The following LRP1B variants were observed in gnomAD, a reference collection of about 807,000 sequenced individuals.
The protein encoded by LRP1B is LDL receptor related protein 1B.
A neutral mutation model predicts 556.6 loss-of-function variants in LRP1B; 217 were observed. The observed-to-expected ratio is 0.39, with a 90% CI of 0.35 to 0.44. The LOEUF is 0.44. LRP1B is among the 20% of genes least tolerant of loss of function. LRP1B has a pLI of 1.00. For missense variants in LRP1B, 5,053 were observed against 5,620.8 expected (o/e 0.90, Z 3.23); for synonymous variants, 2,047 against 1,865.8 (o/e 1.10, Z -2.50).
intron 35 of LRP1B, among the ~76,000 whole-genome samples, chr2:140,730,550 A>AT (rs1253506296): frequency 2.6e-5 from 4 of 151,858 alleles, no homozygotes; most frequent in Non-Finnish European, 5.9e-5. Context: ...CCCATATTCA[A>AT]TTTTTTTGTT....
chr2:141,203,248 T>C (rs1682119005), intron 6 of LRP1B, among the ~76,000 whole-genome samples: 1 of 151,494 alleles, frequency 6.6e-6, no homozygotes, highest in Non-Finnish European at 1.5e-5. Flanking sequence ...GAGTGGCAAA[T>C]TGGAAAAAGA....
At chr2:141,742,028 G>A (rs1055224165) in intron 2 of LRP1B, among the ~76,000 whole-genome samples, 1 of 152,102 alleles carries the variant, frequency 6.6e-6, no homozygotes, top group Non-Finnish European at 1.5e-5. Context: ...AGTTTTCCCT[G>A]CAACATTGAT....
intron 3 of LRP1B, among the ~76,000 whole-genome samples, chr2:141,469,790 T>C (rs3935992): frequency 0.98 from 148,599 of 152,272 alleles, 72,604 homozygotes; most frequent in East Asian, 1. Flanking sequence ...TGGAATGTCC[T>C]TTCTTATTCA....
At chr2:141,373,571 T>C (rs554700172) in intron 3 of LRP1B, among the ~76,000 whole-genome samples, 1 of 150,698 alleles carries the variant, frequency 6.6e-6, no homozygotes, top group East Asian at 1.9e-4. Context: ...TTTAATAAAT[T>C]GATCCCTTTA....
At chr2:141,736,247 G>A (rs1019620584) in intron 2 of LRP1B, among the ~76,000 whole-genome samples, 4 of 152,176 alleles carry the variant, frequency 2.6e-5, no homozygotes, top group Non-Finnish European at 5.9e-5. Flanking sequence ...TGTGGCCACA[G>A]AAGTGAATGA....
chr2:141,596,958 T>C (rs1329303222), intron 2 of LRP1B, among the ~76,000 whole-genome samples: 1 of 152,004 alleles, frequency 6.6e-6, no homozygotes, highest in Non-Finnish European at 1.5e-5. Context: ...ACTACCTATG[T>C]ATATATTCAA....
chr2:140,595,427 G>A (rs888322615), intron 43 of LRP1B, among the ~76,000 whole-genome samples: 5 of 151,764 alleles, frequency 3.3e-5, no homozygotes, highest in Non-Finnish European at 7.4e-5. Flanking sequence ...ATGAATTTTT[G>A]GCTTTTCAGA....
chr2:140,680,050 A>G (rs1685807947), intron 41 of LRP1B, among the ~76,000 whole-genome samples: 1 of 152,050 alleles, frequency 6.6e-6, no homozygotes, highest in Non-Finnish European at 1.5e-5. Flanking sequence ...GGCCCAGGGA[A>G]CCCAAAAGAT....
intron 2 of LRP1B, among the ~76,000 whole-genome samples, chr2:141,793,690 G>A (rs927296241): frequency 5.3e-5 from 8 of 151,436 alleles, no homozygotes; most frequent in Non-Finnish European, 7.4e-5. Context: ...TTAAAATATC[G>A]CTATTGATAT....
chr2:140,561,265 C>T (rs796081285), intron 43 of LRP1B, among the ~76,000 whole-genome samples: 47 of 152,238 alleles, frequency 3.1e-4, no homozygotes, highest in African/African-American at 1.1e-3. Flanking sequence ...TCATAAGTCC[C>T]TCATTTCATA....
At chr2:141,183,747 C>A (rs1456890957) in intron 7 of LRP1B, among the ~76,000 whole-genome samples, 1 of 152,006 alleles carries the variant, frequency 6.6e-6, no homozygotes, top group East Asian at 1.9e-4. Context: ...TCTTCCCCCT[C>A]CCTCAATTTA....
At chr2:140,626,669 A>G (rs961808294) in intron 41 of LRP1B, among the ~76,000 whole-genome samples, 1 of 150,174 alleles carries the variant, frequency 6.7e-6, no homozygotes. Context: ...AGATTAGCAA[A>G]TTTGAGTACA....
chr2:141,521,800 A>T (rs1344115686), intron 2 of LRP1B, among the ~76,000 whole-genome samples: 1 of 152,088 alleles, frequency 6.6e-6, no homozygotes, highest in Non-Finnish European at 1.5e-5. Context: ...CCAAGTCTGG[A>T]TTCTATTAAG....
chr2:140,485,934 C>G (rs1163291860), intron 58 of LRP1B, among the ~76,000 whole-genome samples: 1 of 150,966 alleles, frequency 6.6e-6, no homozygotes, highest in Non-Finnish European at 1.5e-5. Context: ...ATAACAGTAG[C>G]ATTCCTCACT....
rs1574115579 is a variant in LRP1B at position 141,592,074 on chromosome 2, C to G, written c.206-111541G>C. Among the ~76,000 whole-genome samples, 4 of 152,206 alleles carry G rather than the reference C, an allele frequency of 2.6e-5. No individual in the cohort carries two copies. In the South Asian group the frequency reaches 8.3e-4, roughly 32 times the overall value. ...TTCTTTGATGCCCCACCACTCCCCT[C>G]AACCCCACATCCTCATCCTCTGCAC... On this transcript the variant is annotated intron_variant, in intron 2 of 90. Coordinates refer to ENST00000389484, the MANE Select transcript of LRP1B (RefSeq NM_018557.3).
At chr2:140,333,906 T>G (rs1680942089) in intron 79 of LRP1B, among the ~76,000 whole-genome samples, 2 of 151,782 alleles carry the variant, frequency 1.3e-5, no homozygotes, top group South Asian at 4.2e-4. Context: ...TGGGCAGTCC[T>G]GAGAACACAG....
chr2:141,754,256 C>A (rs1694242079), intron 2 of LRP1B, among the ~76,000 whole-genome samples: 1 of 151,654 alleles, frequency 6.6e-6, no homozygotes, highest in Non-Finnish European at 1.5e-5. Flanking sequence ...AAAAAAAAAT[C>A]CTTGGACAGA....
rs190491066 is a variant in LRP1B at position 141,230,804 on chromosome 2, T to G, written c.593-1364A>C. Among the ~76,000 whole-genome samples the G allele has an allele frequency of 1.8e-3, 274 of 152,334 alleles. 1 individual carries two copies. Among genetic ancestry groups the G allele is most frequent in the African/African-American group, 6.2e-3 (258 of 41,582 alleles). On this transcript the variant is annotated intron_variant, in intron 5 of 90. Transcript: ENST00000389484. ...GGTCATTATGCAAATGTCATTTTAC[T>G]GGTGAGGAGTCTCCTAGCACTTTAT... is the stretch of plus-strand genomic sequence containing the variant.
chr2:141,740,456 T>A (rs1693654290), intron 2 of LRP1B, among the ~76,000 whole-genome samples: 1 of 152,146 alleles, frequency 6.6e-6, no homozygotes, highest in Non-Finnish European at 1.5e-5. Context: ...TATTTTTAAT[T>A]TTTGTGGGTA....
Sources: allele counts gnomAD v4.1 joint callset (sites outside exome capture counted in the v4.1 genomes callset), GRCh38; gene constraint gnomAD v4.1.1; transcripts MANE v1.5; gene names NCBI Gene and HGNC (gene_info 2026-07-23, HGNC 2026-07-21).